The following CCDC138 variants were observed in gnomAD, a reference collection of about 807,000 sequenced individuals.
CCDC138 encodes coiled-coil domain-containing protein 138.
A neutral mutation model predicts 82.3 loss-of-function variants in CCDC138; 66 were observed. The ratio of observed to expected loss-of-function variants is 0.80; its 90% CI spans 0.66 to 0.98. CCDC138 has a LOEUF of 0.98. Among genes scored for constraint, CCDC138 ranks in the 50% least tolerant of loss-of-function variants. CCDC138 has a pLI of 0.00. For missense variants in CCDC138, 816 were observed against 758.9 expected (o/e 1.08, Z -0.88); for synonymous variants, 297 against 265.4 (o/e 1.12, Z -1.16).
At chr2:108,802,864 T>C (rs1038305199) in intron 6 of CCDC138, among the ~76,000 whole-genome samples, 1 of 152,236 alleles carries the variant, frequency 6.6e-6, no homozygotes, top group East Asian at 1.9e-4. Context: ...TGTCAAAGGC[T>C]TTTTCTGCAT....
At chr2:108,794,982 CCTTA>C (rs1184227524) in intron 5 of CCDC138, among the ~76,000 whole-genome samples, 7 of 151,914 alleles carry the variant, frequency 4.6e-5, no homozygotes, top group African/African-American at 1.5e-4. Context: ...TCCATCCCAT[CCTTA>C]CTTAAGTAAT....
chr2:108,832,935 A>C (rs75275809), intron 10 of CCDC138, among the ~76,000 whole-genome samples: 1,966 of 152,320 alleles, frequency 0.013, 50 homozygotes, highest in African/African-American at 0.046. Flanking sequence ...AGAGGGAGAC[A>C]GGAAATGGTT....
At chr2:108,858,338 C>T (rs895068145) in intron 13 of CCDC138, among the ~76,000 whole-genome samples, 5 of 152,020 alleles carry the variant, frequency 3.3e-5, no homozygotes, top group East Asian at 3.9e-4. Flanking sequence ...AGTAAGTCTC[C>T]GTCTCAAAAA....
At chr2:108,853,933 T>A (rs1463993384) in intron 12 of CCDC138, among the ~76,000 whole-genome samples, 5 of 123,848 alleles carry the variant, frequency 4.0e-5, no homozygotes, top group Non-Finnish European at 4.8e-5. Context: ...TTATATATAA[T>A]TTATATATAA....
chr2:108,865,187 TTATATAAA>T lies in CCDC138; in HGVS notation c.1693+8219_1693+8226del, dbSNP rs888934843. Among the ~76,000 whole-genome samples, 21 of 152,268 alleles carry T rather than the reference TTATATAAA, an allele frequency of 1.4e-4. No individual in the cohort carries two copies. In the East Asian group the frequency reaches 1.9e-3, roughly 14 times the overall value. On this transcript the variant is annotated intron_variant, in intron 13 of 14. Coordinates refer to ENST00000295124, the MANE Select transcript of CCDC138 (RefSeq NM_144978.3). ...TGATCAGCATTATATCTTGAAGATC[TTATATAAA>T]TGCATAATTTCTTCAATTAAAATTC...
chr2:108,791,596 A>C (rs754090907), intron 3 of CCDC138, 79 bp from the exon 4 acceptor site: 2 of 1,477,250 alleles, frequency 1.4e-6, no homozygotes, highest in Non-Finnish European at 9.4e-7. Context: ...TATGCTGTTA[A>C]TATTTGAAAA....
chr2:108,849,066 G>A (rs1238743644), intron 12 of CCDC138, among the ~76,000 whole-genome samples: 1 of 152,068 alleles, frequency 6.6e-6, no homozygotes, highest in East Asian at 1.9e-4. Context: ...TTCTGCAAAT[G>A]AAAAACCCAG....
intron 10 of CCDC138, among the ~76,000 whole-genome samples, chr2:108,836,195 A>G (rs1319914137): frequency 4.6e-5 from 7 of 152,132 alleles, no homozygotes; most frequent in African/African-American, 1.7e-4. Context: ...GATGACCACC[A>G]TTCAATTTTC....
At chr2:108,828,920 G>A (rs1048835721) in intron 10 of CCDC138, among the ~76,000 whole-genome samples, 8 of 152,136 alleles carry the variant, frequency 5.3e-5, no homozygotes, top group African/African-American at 1.9e-4. Flanking sequence ...GGAGGTTGCA[G>A]TGAGCCGAGA....
intron 12 of CCDC138, 142 bp downstream of exon 12, chr2:108,847,072 G>C (rs1019601132): frequency 3.8e-5 from 23 of 599,684 alleles, no homozygotes; most frequent in African/African-American, 5.7e-5. Flanking sequence ...ATTATAAAAA[G>C]CTACTTTTAT....
chr2:108,857,462 T>C (rs549175042), intron 13 of CCDC138, among the ~76,000 whole-genome samples: 1 of 152,280 alleles, frequency 6.6e-6, no homozygotes, highest in South Asian at 2.1e-4. Context: ...CTCCAGGGAT[T>C]CCCCAGCTAA....
chr2:108,790,910 C>G (rs1454854472), intron 3 of CCDC138, among the ~76,000 whole-genome samples: 1 of 151,844 alleles, frequency 6.6e-6, no homozygotes, highest in Non-Finnish European at 1.5e-5. Context: ...CACCACTACT[C>G]CCAGCTAATT....
chr2:108,854,075 A>AAT (rs1692216677), intron 12 of CCDC138, among the ~76,000 whole-genome samples: 1 of 123,910 alleles, frequency 8.1e-6, no homozygotes, highest in Non-Finnish European at 1.6e-5. Flanking sequence ...TTTTATATAT[A>AAT]ATATAATAAA....
At chr2:108,787,305 C>T (rs936583027) in intron 1 of CCDC138, among the ~76,000 whole-genome samples, 44 of 152,128 alleles carry the variant, frequency 2.9e-4, no homozygotes, top group African/African-American at 1.0e-3. Flanking sequence ...TCCCTTGTAC[C>T]CTCACTTGCA....
chr2:108,881,215 C>T (rs1696282281), downstream of CCDC138, among the ~76,000 whole-genome samples: 1 of 152,244 alleles, frequency 6.6e-6, no homozygotes, highest in African/African-American at 2.4e-5. Flanking sequence ...GCAGCTTCTA[C>T]ACCAGCACTT....
chr2:108,836,125 T>C (rs112897639), intron 10 of CCDC138, among the ~76,000 whole-genome samples: 3 of 152,210 alleles, frequency 2.0e-5, no homozygotes, highest in African/African-American at 7.2e-5. Flanking sequence ...TTTTGAGGAA[T>C]ATATTCAAAC....
At chr2:108,843,886 C>CT (rs57196170) in intron 11 of CCDC138, among the ~76,000 whole-genome samples, 57,504 of 93,908 alleles carry the variant, frequency 0.61, 21,475 homozygotes, top group East Asian at 0.91. Flanking sequence ...GTGTTTCTTT[C>CT]TTTTTTTTTT....
intron 1 of CCDC138, among the ~76,000 whole-genome samples, chr2:108,787,803 A>C (rs1310661190): frequency 2.6e-5 from 4 of 151,720 alleles, no homozygotes; most frequent in African/African-American, 9.7e-5. Flanking sequence ...TTGATTATGC[A>C]TTTTTGGCAG....
At position 108,882,792 on chromosome 2, in the gene CCDC138, G is replaced by A. The variant is rs1304529313; in HGVS notation, c.*44+1G>A. The A allele has an allele frequency of 6.6e-6, 1 of 152,176 alleles. No homozygotes were observed. Among genetic ancestry groups the A allele is most frequent in the African/African-American group, 2.4e-5 (1 of 41,424 alleles). The allele number at this position is 152,176 out of a possible 1,614,324, so 9.4% of individuals were successfully genotyped here. On this transcript the variant is annotated splice_donor_variant, in intron 2 of 2. Coordinates refer to the CCDC138 transcript ENST00000608781. LOFTEE classifies it low-confidence loss of function (3UTR_SPLICE). The stretch of plus-strand genomic sequence containing the variant: ...TCCTAAGCAGGCCTGGCACTGAGAG[G>A]TAAGCACCTGAGAGTGTCAGTCTTC...
Sources: allele counts gnomAD v4.1 joint callset (sites outside exome capture counted in the v4.1 genomes callset), GRCh38; gene constraint gnomAD v4.1.1; transcripts MANE v1.5; gene names NCBI Gene and HGNC (gene_info 2026-07-23, HGNC 2026-07-21).